Variants in IDH1 observed in about 807,000 individuals in gnomAD.
IDH1 encodes the protein isocitrate dehydrogenase [NADP] cytoplasmic.
In IDH1, 33 loss-of-function variants were observed where a neutral mutation model predicts 46.1. That is an observed-to-expected ratio of 0.72 (90% CI 0.54 to 0.96). The LOEUF (loss-of-function observed/expected upper bound fraction) is 0.96. IDH1 is among the 40% of genes least tolerant of loss of function. The pLI is 0.00. For missense variants in IDH1, 421 were observed against 515.7 expected (o/e 0.82, Z 1.78); for synonymous variants, 144 against 172.8 (o/e 0.83, Z 1.31).
rs1687823719 is a variant in IDH1, at chr2:208,237,057, C to T, written c.*22G>A. 7.3e-7 allele frequency: 1 copy of T among 1,364,384 alleles called. No homozygotes were observed. The highest frequency in any genetic ancestry group is 2.3e-5 in the East Asian group (1 of 43,500). 84.5% of individuals were successfully genotyped at this position (1,364,384 alleles called of 1,614,324 possible). On this transcript the variant is annotated 3_prime_UTR_variant, in exon 10 of 10. Coordinates refer to ENST00000345146, the MANE Select transcript of IDH1 (RefSeq NM_005896.4). Reference sequence around the variant, plus strand: ...GACCTAGTTACCAAAAGACAATTATCCTTCTTAGCTCAGGTATGAACTTAA... The same window carrying T: ...GACCTAGTTACCAAAAGACAATTATTCTTCTTAGCTCAGGTATGAACTTAA...
intron 4 of IDH1, among the ~76,000 whole-genome samples, chr2:208,247,204 C>A (rs1341215707): frequency 6.6e-6 from 1 of 152,152 alleles, no homozygotes; most frequent in Non-Finnish European, 1.5e-5. Context: ...TACATTAAAA[C>A]CTCTGGATTT....
intron 7 of IDH1, among the ~76,000 whole-genome samples, chr2:208,241,464 C>A (rs538405035): frequency 5.3e-5 from 8 of 150,358 alleles, no homozygotes; most frequent in African/African-American, 1.7e-4. Context: ...AACTCCTGGC[C>A]TCAAGTGATC....
At chr2:208,251,362 G>A (rs1394732004) in intron 3 of IDH1, 68 bp downstream of exon 3, 30 of 1,572,042 alleles carry the variant, frequency 1.9e-5, no homozygotes, top group Non-Finnish European at 2.3e-5. Context: ...GGGACTTCAC[G>A]TGTGCACCAC....
At chr2:208,246,513 A>G (rs1447535524) in intron 4 of IDH1, among the ~76,000 whole-genome samples, 1 of 152,094 alleles carries the variant, frequency 6.6e-6, no homozygotes, top group Non-Finnish European at 1.5e-5. Context: ...AGCACCATAA[A>G]TGCTTTGTAT....
intron 4 of IDH1, among the ~76,000 whole-genome samples, chr2:208,246,949 A>T (rs1688034244): frequency 6.6e-6 from 1 of 152,202 alleles, no homozygotes; most frequent in African/African-American, 2.4e-5. Flanking sequence ...TCTCAAAAAC[A>T]AAAAACAAAA....
chr2:208,241,799 T>G (rs1687923844), intron 7 of IDH1, among the ~76,000 whole-genome samples, 195 bp downstream of exon 7: 1 of 152,178 alleles, frequency 6.6e-6, no homozygotes, highest in African/African-American at 2.4e-5. Context: ...AATCCACTAA[T>G]TTACTTCCCA....
chr2:208,237,680 G>T (rs958526090), intron 9 of IDH1, among the ~76,000 whole-genome samples: 2 of 151,854 alleles, frequency 1.3e-5, no homozygotes, highest in Admixed American at 6.6e-5. Flanking sequence ...CAGCACTTTG[G>T]GGGGCCAAGG....
chr2:208,254,174 C>T (rs1187287201), intron 1 of IDH1: 1 of 152,390 alleles, frequency 6.6e-6, no homozygotes, highest in Non-Finnish European at 1.5e-5. Context: ...GGGCGTGCCC[C>T]CGCTTCGCCG....
Position 208,243,408 on chromosome 2 carries a change from A to T in IDH1, c.698+19T>A. ...CTTACTTGAGAATAAAGAAAAAGTT[A>T]AAAAAGAACTATAGTTACTTGTCAT... On this transcript the variant is annotated intron_variant, in intron 6 of 9. Coordinates refer to ENST00000345146, the MANE Select transcript of IDH1 (RefSeq NM_005896.4). 1.3e-6 allele frequency: 2 copies of T among 1,582,074 alleles called. No individual in the cohort carries two copies. Among genetic ancestry groups the T allele is most frequent in the Middle Eastern group, 1.7e-4 (1 of 5,982 alleles).
At chr2:208,239,732 A>C (rs1168689970) in intron 8 of IDH1, 131 bp downstream of exon 8, 27 of 860,942 alleles carry the variant, frequency 3.1e-5, no homozygotes, top group Non-Finnish European at 5.2e-5. Flanking sequence ...ATTCAAATAG[A>C]TCTTACTAGT....
At position 208,248,640 on chromosome 2, in the gene IDH1, T is replaced by G; in HGVS notation, c.143A>C (p.Asn48Thr). The G allele has an allele frequency of 6.2e-7, 1 of 1,614,192 alleles. No homozygotes were observed. The highest frequency in any genetic ancestry group is 1.1e-5 in the South Asian group (1 of 91,090). ...GACTTGGTCGTTGGTGGCATCACGA[T>G]TCTCTATGCCTAAATCATAGCTTGA... Reference protein sequence around the residue: ...DLHSYDLGIENRDATNDQVTK... With the variant: ...DLHSYDLGIETRDATNDQVTK... The change falls in exon 4 of 10, where the codon AAT becomes ACT. Residue 48 changes from asparagine (N) to threonine (T), a missense_variant. Transcript: ENST00000345146.
intron 5 of IDH1, 50 bp from the exon 6 acceptor site, chr2:208,243,654 A>G: frequency 6.8e-7 from 1 of 1,470,124 alleles, no homozygotes; most frequent in Non-Finnish European, 9.5e-7. Context: ...AATAAATGTA[A>G]TGTAGTTGTA....
At chr2:208,252,883 T>A (rs1052617374) in intron 2 of IDH1, among the ~76,000 whole-genome samples, 2 of 152,208 alleles carry the variant, frequency 1.3e-5, no homozygotes, top group African/African-American at 4.8e-5. Flanking sequence ...GGAACTGAAC[T>A]AGACTAAAAG....
chr2:208,250,527 C>T (rs527986652), intron 3 of IDH1, among the ~76,000 whole-genome samples: 25 of 152,298 alleles, frequency 1.6e-4, no homozygotes, highest in African/African-American at 5.1e-4. Context: ...GGCAAACACA[C>T]TTAGAGTTGC....
Position 208,242,105 on chromosome 2 carries a change from C to A in IDH1, c.739G>T (p.Glu247Ter), listed in dbSNP as rs1293383694. ...ACCATGTCGTCGATGAGCCTATGCT[C>A]ATACCAGATCTTTTGAGCTTCAAAC... ...SQFEAQKIWYEHRLIDDMVAQ... is the reference protein window; with the variant it reads ...SQFEAQKIWY The change falls in exon 7 of 10, where the codon GAG (glutamate) becomes TAG (stop). Residue 247 changes from glutamate to a stop codon, truncating the protein, a stop_gained. Transcript: ENST00000345146. LOFTEE classifies it high-confidence loss of function. The A allele has an allele frequency of 1.2e-6, 2 of 1,613,990 alleles. No individual in the cohort carries two copies. Among genetic ancestry groups the A allele is most frequent in the East Asian group, 4.5e-5 (2 of 44,878 alleles).
intron 5 of IDH1, 45 bp from the exon 6 acceptor site, chr2:208,243,649 A>C: frequency 2.0e-6 from 3 of 1,500,068 alleles, no homozygotes; most frequent in East Asian, 4.5e-5. Flanking sequence ...AGAAGAATAA[A>C]TGTAATGTAG....
At chr2:208,253,372 T>C (rs1487795667) in intron 2 of IDH1, among the ~76,000 whole-genome samples, 6 of 152,222 alleles carry the variant, frequency 3.9e-5, no homozygotes, top group East Asian at 1.9e-4. Context: ...TGGAACATAA[T>C]TGTATTTCTT....
At chr2:208,239,780 A>G (rs1687882904) in intron 8 of IDH1, 83 bp downstream of exon 8, 2 of 1,396,248 alleles carry the variant, frequency 1.4e-6, no homozygotes, top group Non-Finnish European at 2.0e-6. Context: ...TTTGCACACA[A>G]AACACTGAGC....
chr2:208,242,759 CTTTT>C (rs1687943310), intron 6 of IDH1, among the ~76,000 whole-genome samples: 1 of 143,030 alleles, frequency 7.0e-6, no homozygotes, highest in African/African-American at 3.0e-5. Context: ...TCTTTTTTTT[CTTTT>C]CTTTTCTTTT....
Sources: gnomAD v4.1 joint callset for allele counts (sites outside exome capture counted in the v4.1 genomes callset) on GRCh38, gnomAD v4.1.1 for gene constraint, MANE v1.5 for transcripts, NCBI Gene and HGNC (gene_info 2026-07-23, HGNC 2026-07-21) for gene names.